MAML2: variants seen among roughly 807,000 people sequenced by gnomAD.
The protein encoded by MAML2 is mastermind like transcriptional coactivator 2, also known as mastermind-like protein 2.
Under a neutral mutation model 96.1 loss-of-function variants are expected in MAML2, and 22 were observed. The observed-to-expected ratio is 0.23, with a 90% CI of 0.16 to 0.33. The LOEUF (loss-of-function observed/expected upper bound fraction) is 0.33. Ranked by LOEUF, MAML2 falls within the 10% of genes least tolerant of loss-of-function variation. The pLI is 1.00. For synonymous variants in MAML2, 561 were observed against 521.3 expected, an observed-to-expected ratio of 1.08 and a Z score of -1.04; for missense variants, 1,367 against 1,392.4, an observed-to-expected ratio of 0.98 and a Z score of 0.29.
intron 1 of MAML2, among the ~76,000 whole-genome samples, chr11:96,274,033 T>G (rs1394532189): frequency 6.6e-6 from 1 of 151,664 alleles, no homozygotes; most frequent in African/African-American, 2.4e-5. Flanking sequence ...GTATTTTCAT[T>G]TATTCCTAGT....
intron 2 of MAML2, among the ~76,000 whole-genome samples, chr11:96,034,781 C>A (rs1395878689): frequency 2.6e-5 from 4 of 152,108 alleles, no homozygotes; most frequent in African/African-American, 2.4e-5. Flanking sequence ...CTCAGACTAT[C>A]CACTATAAAT....
chr11:96,135,978 T>A (rs1027321318), intron 1 of MAML2, among the ~76,000 whole-genome samples: 2 of 152,178 alleles, frequency 1.3e-5, no homozygotes, highest in Non-Finnish European at 2.9e-5. Context: ...AATTTTGAAC[T>A]AAACTTTAGT....
chr11:96,119,555 C>A (rs80079139), intron 1 of MAML2, among the ~76,000 whole-genome samples: 2,883 of 152,200 alleles, frequency 0.019, 104 homozygotes, highest in African/African-American at 0.066. Flanking sequence ...TTATTTTAAG[C>A]GACTCAATTT....
chr11:96,204,843 A>G (rs1050697151), intron 1 of MAML2, among the ~76,000 whole-genome samples: 2 of 152,200 alleles, frequency 1.3e-5, no homozygotes, highest in African/African-American at 4.8e-5. Context: ...TTTTAGGTGC[A>G]CCTAAATTAA....
chr11:96,163,643 C>T (rs1055750822), intron 1 of MAML2, among the ~76,000 whole-genome samples: 1 of 152,202 alleles, frequency 6.6e-6, no homozygotes, highest in Non-Finnish European at 1.5e-5. Context: ...TGACATCTAT[C>T]TAGTCTCTCT....
intron 1 of MAML2, among the ~76,000 whole-genome samples, chr11:96,266,479 G>T (rs956859921): frequency 6.6e-6 from 1 of 151,914 alleles, no homozygotes; most frequent in Non-Finnish European, 1.5e-5. Context: ...GCTGAGGCAG[G>T]AGAATGACAT....
rs149486387 is a variant in MAML2 at position 95,996,372 on chromosome 11, G to A, written c.2140-4649C>T. Reference sequence around the variant, plus strand: ...CTGCATGCCAGGAAAATGTAACTATGTCTCTTTCTCTCTCTAATCAAACAG... The same window carrying A: ...CTGCATGCCAGGAAAATGTAACTATATCTCTTTCTCTCTCTAATCAAACAG... On this transcript the variant is annotated intron_variant, in intron 2 of 4. Coordinates refer to ENST00000524717, the MANE Select transcript of MAML2 (RefSeq NM_032427.4). 2.6e-5 allele frequency among the ~76,000 whole-genome samples: 4 copies of A among 152,174 alleles called. No individual in the cohort carries two copies. In the East Asian group the frequency reaches 7.7e-4, roughly 29 times the overall value.
At chr11:96,028,740 T>A (rs550882043) in intron 2 of MAML2, among the ~76,000 whole-genome samples, 1 of 152,334 alleles carries the variant, frequency 6.6e-6, no homozygotes, top group African/African-American at 2.4e-5. Flanking sequence ...GAAAATTATG[T>A]GTTCTGAAAA....
intron 1 of MAML2, among the ~76,000 whole-genome samples, chr11:96,266,124 T>C (rs1862822081): frequency 6.6e-6 from 1 of 152,110 alleles, no homozygotes; most frequent in African/African-American, 2.4e-5. Context: ...AGCCTGCCCG[T>C]ATGTATGCTC....
In MAML2 at chr11:96,124,728, T is replaced by A. The variant is rs541171166; in HGVS notation, c.514-31211A>T. Among the ~76,000 whole-genome samples, 6 of 152,092 alleles carry A rather than the reference T, an allele frequency of 3.9e-5. No individual in the cohort carries two copies. The East Asian group carries it at 1.2e-3, about 29-fold the overall frequency. ...GACAGAGAGAGAGAGAGACTGCACA[T>A]GAACGGATGTGCATACACCTCGTGA... On this transcript the variant is annotated intron_variant, in intron 1 of 4. Transcript: ENST00000524717.
chr11:96,016,930 G>A (rs2135733131), intron 2 of MAML2, among the ~76,000 whole-genome samples: 1 of 152,228 alleles, frequency 6.6e-6, no homozygotes, highest in South Asian at 2.1e-4. Context: ...AATGTTGCTA[G>A]TAACCCTTTC....
intron 1 of MAML2, among the ~76,000 whole-genome samples, chr11:96,212,137 GT>G (rs1861981346): frequency 1.3e-5 from 2 of 150,248 alleles, no homozygotes; most frequent in Admixed American, 6.7e-5. Context: ...GTGTGTGTGT[GT>G]GTGTGTGTGT....
rs76366933 is a variant in MAML2, at chr11:96,166,354, T to C, written c.514-72837A>G. ...TGAATTTAAAGGATAAGTGTGATCATGTTTGTTTAGCTAATTTTAAAAGAA... is the reference window on the plus strand; with the variant it reads ...TGAATTTAAAGGATAAGTGTGATCACGTTTGTTTAGCTAATTTTAAAAGAA... On this transcript the variant is annotated intron_variant, in intron 1 of 4. Transcript: ENST00000524717. Among the ~76,000 whole-genome samples the C allele has an allele frequency of 2.3e-4, 35 of 152,332 alleles. No homozygotes were observed. In the East Asian group the frequency reaches 6.7e-3, roughly 29 times the overall value.
intron 1 of MAML2, among the ~76,000 whole-genome samples, chr11:96,174,083 T>C (rs1217926910): frequency 1.3e-5 from 2 of 152,182 alleles, no homozygotes; most frequent in South Asian, 2.1e-4. Context: ...TGGGAGCAGA[T>C]GGCCTGTCCT....
intron 2 of MAML2, among the ~76,000 whole-genome samples, chr11:96,076,787 C>G (rs61298136): frequency 0.023 from 3,447 of 152,300 alleles, 131 homozygotes; most frequent in African/African-American, 0.078. Context: ...GAATCTTCAC[C>G]AGGCCACAGC....
At chr11:96,140,387 C>T (rs964064469) in intron 1 of MAML2, among the ~76,000 whole-genome samples, 2 of 152,200 alleles carry the variant, frequency 1.3e-5, no homozygotes, top group African/African-American at 4.8e-5. Flanking sequence ...ATTAAAACCA[C>T]TGTTATTGCC....
chr11:96,012,878 G>C (rs960836719), intron 2 of MAML2, among the ~76,000 whole-genome samples: 1 of 152,122 alleles, frequency 6.6e-6, no homozygotes, highest in African/African-American at 2.4e-5. Context: ...TGTTTCACAA[G>C]GCAACAGAAT....
intron 2 of MAML2, among the ~76,000 whole-genome samples, chr11:96,079,923 G>A (rs1318694892): frequency 6.6e-6 from 1 of 152,204 alleles, no homozygotes; most frequent in East Asian, 1.9e-4. Context: ...GAGGGCTGCT[G>A]TGGAGATGAG....
chr11:96,250,253 A>T (rs1303010624), intron 1 of MAML2, among the ~76,000 whole-genome samples: 2 of 146,812 alleles, frequency 1.4e-5, no homozygotes, highest in Non-Finnish European at 3.0e-5. Context: ...AAATTTAAAA[A>T]TTTTTTATTC....
Sources: gnomAD v4.1 joint callset for allele counts (sites outside exome capture counted in the v4.1 genomes callset) on GRCh38, gnomAD v4.1.1 for gene constraint, MANE v1.5 for transcripts, NCBI Gene and HGNC (gene_info 2026-07-23, HGNC 2026-07-21) for gene names.